FAM168A: variants seen among roughly 807,000 people sequenced by gnomAD.
FAM168A encodes the protein protein FAM168A.
FAM168A carries 3 observed loss-of-function variants against 28.5 expected under a neutral mutation model. The ratio of observed to expected loss-of-function variants is 0.11; its 90% CI spans 0.05 to 0.27. The LOEUF is 0.27. FAM168A is among the 10% of genes least tolerant of loss of function. FAM168A has a pLI of 1.00. For missense variants in FAM168A, 222 were observed against 311.5 expected, an observed-to-expected ratio of 0.71 and a Z score of 2.16; for synonymous variants, 122 against 124.2, an observed-to-expected ratio of 0.98 and a Z score of 0.12.
intron 1 of FAM168A, among the ~76,000 whole-genome samples, chr11:73,506,950 A>C (rs1043270815): frequency 1.3e-5 from 2 of 152,230 alleles, no homozygotes; most frequent in Admixed American, 1.3e-4. Flanking sequence ...AAACAAATAA[A>C]AAAACTTGAC....
intron 1 of FAM168A, among the ~76,000 whole-genome samples, chr11:73,592,862 C>T (rs1232702863): frequency 8.7e-6 from 1 of 114,852 alleles, no homozygotes; most frequent in Non-Finnish European, 1.9e-5. Flanking sequence ...TAGCGAGACC[C>T]TGTCTCTACC....
intron 1 of FAM168A, among the ~76,000 whole-genome samples, chr11:73,504,383 G>A (rs1461842518): frequency 6.6e-6 from 1 of 151,966 alleles, no homozygotes; most frequent in South Asian, 2.1e-4. Context: ...ACATTTACGT[G>A]GCCAACAAAC....
chr11:73,569,825 A>AAAATAAATAAATAAATAAAT (rs111950693), intron 1 of FAM168A, among the ~76,000 whole-genome samples: 323 of 145,816 alleles, frequency 2.2e-3, no homozygotes, highest in Non-Finnish European at 3.6e-3. Context: ...CTCCACCTCA[A>AAAATAAATAAATAAATAAAT]AAATAAATAA....
chr11:73,552,073 T>A (rs375276331), intron 1 of FAM168A, among the ~76,000 whole-genome samples: 1 of 152,236 alleles, frequency 6.6e-6, no homozygotes, highest in East Asian at 1.9e-4. Flanking sequence ...GACTTTCTTA[T>A]CTTTGACCTC....
At chr11:73,481,167 C>A (rs1475607813) in intron 1 of FAM168A, among the ~76,000 whole-genome samples, 2 of 152,198 alleles carry the variant, frequency 1.3e-5, no homozygotes, top group Non-Finnish European at 2.9e-5. Context: ...GATCCTCCTG[C>A]CTCAGCCTCC....
chr11:73,445,344 A>T (rs1867282143), intron 2 of FAM168A, among the ~76,000 whole-genome samples: 1 of 151,386 alleles, frequency 6.6e-6, no homozygotes, highest in Admixed American at 6.6e-5. Context: ...ATCTGTTCCA[A>T]ATAACTGCCA....
intron 1 of FAM168A, 47 bp from the exon 2 acceptor site, chr11:73,468,539 T>G: frequency 1.4e-6 from 2 of 1,409,684 alleles, no homozygotes; most frequent in South Asian, 1.2e-5. Context: ...TTGTTCATTC[T>G]TCCTGACATC....
chr11:73,421,856 G>A (rs1321267166), intron 3 of FAM168A, among the ~76,000 whole-genome samples: 1 of 152,222 alleles, frequency 6.6e-6, no homozygotes, highest in Non-Finnish European at 1.5e-5. Flanking sequence ...TAGGAATTTA[G>A]AGAATTTGGA....
chr11:73,572,837 A>C (rs1944120811), intron 1 of FAM168A, among the ~76,000 whole-genome samples: 1 of 152,046 alleles, frequency 6.6e-6, no homozygotes, highest in Non-Finnish European at 1.5e-5. Flanking sequence ...ACCCTGCCAA[A>C]TCCCCCTCTG....
At chr11:73,425,148 T>TC (rs930639747) in intron 3 of FAM168A, 6 of 749,948 alleles carry the variant, frequency 8.0e-6, no homozygotes, top group Non-Finnish European at 1.2e-5. Context: ...AATAGCAGTT[T>TC]CCCCCCAGCT....
chr11:73,566,444 T>A (rs1944020620), intron 1 of FAM168A, among the ~76,000 whole-genome samples: 2 of 152,130 alleles, frequency 1.3e-5, no homozygotes, highest in South Asian at 4.1e-4. Context: ...TTACAGACAA[T>A]GGTTTTAGCA....
chr11:73,424,942 AGAG>A, intron 3 of FAM168A: 2 of 1,191,196 alleles, frequency 1.7e-6, no homozygotes, highest in Non-Finnish European at 2.3e-6. Flanking sequence ...TTTGGGGAGG[AGAG>A]GAGAGGGGAT....
intron 1 of FAM168A, among the ~76,000 whole-genome samples, chr11:73,517,932 T>C (rs1943325873): frequency 2.0e-5 from 3 of 152,230 alleles, no homozygotes; most frequent in Admixed American, 6.5e-5. Flanking sequence ...GTGGGGACTG[T>C]CAATGATTCC....
chr11:73,553,939 A>G (rs1943858583), intron 1 of FAM168A, among the ~76,000 whole-genome samples: 1 of 152,006 alleles, frequency 6.6e-6, no homozygotes, highest in Admixed American at 6.6e-5. Context: ...CAGTGAGCTG[A>G]GATTGTGCCA....
chr11:73,480,800 TG>T (rs1867957807), intron 1 of FAM168A, among the ~76,000 whole-genome samples: 1 of 152,214 alleles, frequency 6.6e-6, no homozygotes. Flanking sequence ...AACTCAAACC[TG>T]GGTCTACAGA....
intron 2 of FAM168A, among the ~76,000 whole-genome samples, chr11:73,460,504 T>TG (rs1289201527): frequency 7.4e-5 from 11 of 148,942 alleles, no homozygotes; most frequent in African/African-American, 2.5e-4. Context: ...TAATGCTTTT[T>TG]TTTTTTTTTT....
intron 1 of FAM168A, chr11:73,510,672 A>C (rs78835290): frequency 0.059 from 19,716 of 333,232 alleles, 2,615 homozygotes; most frequent in African/African-American, 0.32. Flanking sequence ...TCCTACCAGG[A>C]TTCGGAATAA....
chr11:73,423,375 A>G (rs978081457), intron 3 of FAM168A, among the ~76,000 whole-genome samples: 1 of 152,174 alleles, frequency 6.6e-6, no homozygotes, highest in African/African-American at 2.4e-5. Context: ...AAAACATTCC[A>G]TAGTTCTCCA....
intron 2 of FAM168A, among the ~76,000 whole-genome samples, chr11:73,436,899 T>C (rs760006211): frequency 5.3e-5 from 8 of 152,222 alleles, no homozygotes; most frequent in Non-Finnish European, 7.3e-5. Context: ...CAAAGATGGC[T>C]GTGTTTAAGA....
Sources: gnomAD v4.1 joint callset for allele counts (sites outside exome capture counted in the v4.1 genomes callset) on GRCh38, gnomAD v4.1.1 for gene constraint, MANE v1.5 for transcripts, NCBI Gene and HGNC (gene_info 2026-07-23, HGNC 2026-07-21) for gene names.